Variants in MYO7B observed in about 807,000 individuals in gnomAD.
The protein encoded by MYO7B is myosin VIIB, also known as unconventional myosin-VIIb.
A neutral mutation model predicts 259.7 loss-of-function variants in MYO7B; 212 were observed. That is an observed-to-expected ratio of 0.82 (90% CI 0.73 to 0.91). MYO7B has a LOEUF of 0.91. Ranked by LOEUF, MYO7B falls within the 40% of genes least tolerant of loss-of-function variation. MYO7B has a pLI of 0.00. For missense variants in MYO7B, 2,732 were observed against 2,813.5 expected (o/e 0.97, Z 0.66); for synonymous variants, 1,197 against 1,166.4 (o/e 1.03, Z -0.54).
At chr2:127,610,143 T>C in intron 24 of MYO7B, 127 bp downstream of exon 24, 2 of 1,290,734 alleles carry the variant, frequency 1.5e-6, no homozygotes, top group African/African-American at 1.5e-5. Context: ...GCCTTACCCA[T>C]GGAACCCAGC....
Position 127,628,266 on chromosome 2 carries a change from C to A in MYO7B, c.4461-106C>A. On this transcript the variant is annotated intron_variant, in intron 33 of 47. Coordinates refer to ENST00000409816, the MANE Select transcript of MYO7B (RefSeq NM_001393586.1). The surrounding 1 kb of genome is among the most constrained non-coding windows in gnomAD (Gnocchi z 4.8). ...TGGCCCTGGCAGAGCAGCTCTGTGTCCTCATCTGTGACTCAGGACCCCCAA... is the reference window on the plus strand; with the variant it reads ...TGGCCCTGGCAGAGCAGCTCTGTGTACTCATCTGTGACTCAGGACCCCCAA... The A allele has an allele frequency of 2.2e-6, 3 of 1,362,408 alleles. No individual in the cohort carries two copies. Among genetic ancestry groups the A allele is most frequent in the Non-Finnish European group, 3.0e-6 (3 of 988,732 alleles). 84.4% of individuals were successfully genotyped at this position (1,362,408 alleles called of 1,614,324 possible). A position where few individuals can be genotyped will look rare whatever the true frequency, so the allele number is the denominator to read the frequency against.
chr2:127,629,949 C>G (rs1184019300), intron 35 of MYO7B, 123 bp downstream of exon 35: 1 of 1,071,128 alleles, frequency 9.3e-7, no homozygotes. Flanking sequence ...GCCAGGAGGG[C>G]CACCCGGGCA....
rs1459335834 is a variant in MYO7B, at chr2:127,539,793, C to T, written c.-24+3962C>T. The stretch of plus-strand genomic sequence containing the variant: ...TTGCACCTATCACCACAGCAGTGTA[C>T]ACTGCACCCAATGTGTAGTCTTTTG... On this transcript the variant is annotated intron_variant, in intron 1 of 47. Coordinates refer to ENST00000409816, the MANE Select transcript of MYO7B (RefSeq NM_001393586.1). The surrounding 1 kb of genome is among the most constrained non-coding windows in gnomAD (Gnocchi z 4.0). Among the ~76,000 whole-genome samples the T allele has an allele frequency of 6.6e-6, 1 of 152,198 alleles. No homozygotes were observed. Among genetic ancestry groups the T allele is most frequent in the African/African-American group, 2.4e-5 (1 of 41,446 alleles).
intron 2 of MYO7B, among the ~76,000 whole-genome samples, chr2:127,561,769 C>T (rs1678095198): frequency 1.3e-5 from 2 of 152,200 alleles, no homozygotes; most frequent in African/African-American, 4.8e-5. Context: ...AGAACCCAGC[C>T]GGACTGTCTG....
intron 40 of MYO7B, 115 bp downstream of exon 40, chr2:127,633,478 G>C: frequency 9.9e-7 from 1 of 1,007,748 alleles, no homozygotes; most frequent in Non-Finnish European, 1.5e-6. Context: ...TTCTAGGGCT[G>C]TCCCATCCTA....
Position 127,584,447 on chromosome 2 carries a change from G to C in MYO7B, c.1554+115G>C. ...TGTTCTGAGAGTCACTAAAACCTCT[G>C]CCAGGAATAAGCAGAAGAGCCTCAG... is the stretch of plus-strand genomic sequence containing the variant. On this transcript the variant is annotated intron_variant, in intron 13 of 47. Transcript: ENST00000409816. This position sits in a 1 kb window ranked among gnomAD's most constrained non-coding sequence, Gnocchi z 5.8. 8.6e-7 allele frequency: 1 copy of C among 1,156,914 alleles called. No homozygotes were observed. The highest frequency in any genetic ancestry group is 1.5e-5 in the South Asian group (1 of 66,484). 71.7% of individuals were successfully genotyped at this position (1,156,914 alleles called of 1,614,324 possible).
chr2:127,637,464 C>CCTGGCGG lies in MYO7B; in HGVS notation c.*49_*55dup. ...CTCAGGCGCCCTTCCCGACCTCTAG[C>CCTGGCGG]CTGGCGGCACCTTCCCAGGCCCTCT... On this transcript the variant is annotated 3_prime_UTR_variant, in exon 48 of 48. Coordinates refer to ENST00000409816, the MANE Select transcript of MYO7B (RefSeq NM_001393586.1). 7.4e-7 allele frequency: 1 copy of CCTGGCGG among 1,359,896 alleles called. No individual in the cohort carries two copies. The highest frequency in any genetic ancestry group is 9.9e-7 in the Non-Finnish European group (1 of 1,014,152). The allele number at this position is 1,359,896 out of a possible 1,614,324, so 84.2% of individuals were successfully genotyped here. A position where few individuals can be genotyped will look rare whatever the true frequency, so the allele number is the denominator to read the frequency against.
In MYO7B at chr2:127,585,126, TA is replaced by T. The variant is rs1679252203; in HGVS notation, c.1690+214del. Among the ~76,000 whole-genome samples, 1 of 152,218 alleles carries T rather than the reference TA, an allele frequency of 6.6e-6. No homozygotes were observed. On this transcript the variant is annotated intron_variant, in intron 14 of 47. Coordinates refer to ENST00000409816, the MANE Select transcript of MYO7B (RefSeq NM_001393586.1). This position sits in a 1 kb window ranked among gnomAD's most constrained non-coding sequence, Gnocchi z 4.3. ...TAACTCTGTTGAGACATAATTCACA[TA>T]CCATGTTATTTACCTATTTTAAGTG...
intron 12 of MYO7B, 42 bp downstream of exon 12, chr2:127,582,488 C>G (rs766980552): frequency 1.9e-6 from 3 of 1,604,440 alleles, no homozygotes; most frequent in Non-Finnish European, 2.6e-6. Flanking sequence ...TTCCAGAAAA[C>G]AGAAGATAAG....
chr2:127,571,247 G>A (rs79245843), intron 6 of MYO7B, among the ~76,000 whole-genome samples: 2,594 of 152,162 alleles, frequency 0.017, 73 homozygotes, highest in African/African-American at 0.058. Context: ...CCAGCACCTG[G>A]CACAGTGAAG....
chr2:127,593,779 C>A, intron 18 of MYO7B, 135 bp downstream of exon 18: 1 of 764,338 alleles, frequency 1.3e-6, no homozygotes, highest in East Asian at 2.6e-5. Flanking sequence ...AGTGTGGTCC[C>A]CACCCTCAGG....
chr2:127,595,828 G>A (rs1679749813), intron 18 of MYO7B, among the ~76,000 whole-genome samples: 1 of 152,204 alleles, frequency 6.6e-6, no homozygotes, highest in African/African-American at 2.4e-5. Flanking sequence ...ACTGTAGTCT[G>A]AGAGACTGTT....
At position 127,584,861 on chromosome 2, in the gene MYO7B, T is replaced by C; in HGVS notation, c.1638T>C (p.Asp546=). 5 of 1,609,970 alleles carry C rather than the reference T, an allele frequency of 3.1e-6. No individual in the cohort carries two copies. The highest frequency in any genetic ancestry group is 4.3e-6 in the Non-Finnish European group (5 of 1,176,320). ...TCCTACAGCCCAAGAACATCCACGATGCCAGATTTGGCATTGCCCATTTTG... is the reference window on the plus strand; with the variant it reads ...TCCTACAGCCCAAGAACATCCACGACGCCAGATTTGGCATTGCCCATTTTG... ...KAFLQPKNIH[D]ARFGIAHFAG... The change falls in exon 14 of 48, where the codon GAT becomes GAC. Residue 546 remains aspartate (D), a synonymous_variant. Coordinates refer to ENST00000409816, the MANE Select transcript of MYO7B (RefSeq NM_001393586.1). This position sits in a 1 kb window ranked among gnomAD's most constrained non-coding sequence, Gnocchi z 5.8.
Position 127,620,452 on chromosome 2 carries a change from G to T in MYO7B, c.3511G>T (p.Glu1171Ter). The change falls in exon 27 of 48, where the codon GAG (glutamate) becomes TAG (stop). Residue 1171 changes from glutamate (E) to a stop codon, truncating the protein, a stop_gained. Transcript: ENST00000409816. LOFTEE classifies it high-confidence loss of function. ...CTGCCTCGGCTGCTTCCCACCCTCAGAGAGGTTCATGAAGGTGAGAGGGTT... is the reference window on the plus strand; with the variant it reads ...CTGCCTCGGCTGCTTCCCACCCTCATAGAGGTTCATGAAGGTGAGAGGGTT... The part of the protein sequence containing the change: ...SLCLGCFPPS[E>*]RFMKYLLNFI... The T allele has an allele frequency of 1.4e-6, 2 of 1,480,768 alleles. No homozygotes were observed. Among genetic ancestry groups the T allele is most frequent in the South Asian group, 1.1e-5 (1 of 88,484 alleles). 91.7% of individuals were successfully genotyped at this position (1,480,768 alleles called of 1,614,324 possible).
chr2:127,571,362 A>G (rs1218819147), intron 6 of MYO7B, among the ~76,000 whole-genome samples: 1 of 140,904 alleles, frequency 7.1e-6, no homozygotes, highest in Non-Finnish European at 1.5e-5. Context: ...CGCTCTGTAT[A>G]TCTTCTCTGG....
chr2:127,539,046 T>A lies in MYO7B; in HGVS notation c.-24+3215T>A, dbSNP rs1345143898. On this transcript the variant is annotated intron_variant, in intron 1 of 47. Coordinates refer to ENST00000409816, the MANE Select transcript of MYO7B (RefSeq NM_001393586.1). The surrounding 1 kb of genome is among the most constrained non-coding windows in gnomAD (Gnocchi z 4.0). ...GCACAGTGTCTGTCTGAGCTCCTAC[T>A]CTGTTCTGGGGGCTGGGGGCAGAGT... 1.3e-5 allele frequency among the ~76,000 whole-genome samples: 2 copies of A among 152,156 alleles called. No homozygotes were observed. Among genetic ancestry groups the A allele is most frequent in the Non-Finnish European group, 1.5e-5 (1 of 68,028 alleles).
chr2:127,582,650 C>T (rs1184097277), intron 12 of MYO7B, among the ~76,000 whole-genome samples: 1 of 152,190 alleles, frequency 6.6e-6, no homozygotes, highest in Non-Finnish European at 1.5e-5. Flanking sequence ...CCCTGAGAGC[C>T]GGGCTAAGGC....
intron 7 of MYO7B, among the ~76,000 whole-genome samples, chr2:127,574,788 T>C (rs1678796434): frequency 6.6e-6 from 1 of 152,164 alleles, no homozygotes; most frequent in South Asian, 2.1e-4. Flanking sequence ...GGGGGCCCCA[T>C]GCTTGGTTTC....
chr2:127,637,616 G>A lies in MYO7B; in HGVS notation c.*199G>A, dbSNP rs1041246180. The A allele has an allele frequency of 3.6e-5, 17 of 471,462 alleles. No individual in the cohort carries two copies. The Admixed American group carries it at 5.3e-4, about 15-fold the overall frequency. 29.2% of individuals were successfully genotyped at this position (471,462 alleles called of 1,614,324 possible). On this transcript the variant is annotated 3_prime_UTR_variant, in exon 48 of 48. Coordinates refer to ENST00000409816, the MANE Select transcript of MYO7B (RefSeq NM_001393586.1). ...GGAGGCCAAAAGACGGGCCCAGAAT[G>A]GGGTCGGGAGTCTCGGACCCCCAGG...
Sources: gnomAD v4.1 joint callset for allele counts (sites outside exome capture counted in the v4.1 genomes callset) on GRCh38, gnomAD v4.1.1 for gene constraint, Gnocchi (gnomAD v3.1) non-coding constraint, MANE v1.5 for transcripts, NCBI Gene and HGNC (gene_info 2026-07-23, HGNC 2026-07-21) for gene names.